NACC2: variants seen among roughly 807,000 people sequenced by gnomAD.
NACC2 encodes nucleus accumbens-associated protein 2.
In NACC2, 8 loss-of-function variants were observed where a neutral mutation model predicts 25.1. The ratio of observed to expected loss-of-function variants is 0.32; its 90% CI spans 0.19 to 0.57. The LOEUF is 0.57. NACC2 is among the 20% of genes least tolerant of loss of function. The probability of loss-of-function intolerance (pLI) is 0.89; values close to 1 mark genes in which losing one functional copy is unlikely to be tolerated. For synonymous variants in NACC2, 435 were observed against 294.7 expected (o/e 1.48, Z -4.88); for missense variants, 644 against 650.2 (o/e 0.99, Z 0.10).
At chr9:136,043,199 A>T (rs1349411832) in intron 2 of NACC2, among the ~76,000 whole-genome samples, 1 of 152,250 alleles carries the variant, frequency 6.6e-6, no homozygotes, top group Non-Finnish European at 1.5e-5. Flanking sequence ...GGCAGGTCAG[A>T]CTAGGAGAGA....
At chr9:136,059,510 C>T (rs1040678813) in intron 1 of NACC2, among the ~76,000 whole-genome samples, 2 of 152,204 alleles carry the variant, frequency 1.3e-5, no homozygotes, top group African/African-American at 4.8e-5. Flanking sequence ...GGGCCGCCTC[C>T]TTGGGTGTGT....
At chr9:136,081,744 C>T (rs7860750) in intron 1 of NACC2, among the ~76,000 whole-genome samples, 7,915 of 152,182 alleles carry the variant, frequency 0.052, 679 homozygotes, top group African/African-American at 0.18. Context: ...GCACCATCCC[C>T]ACCAAGTGGC....
At chr9:136,042,965 G>C (rs1199087001) in intron 2 of NACC2, among the ~76,000 whole-genome samples, 3 of 146,306 alleles carry the variant, frequency 2.1e-5, no homozygotes, top group East Asian at 2.0e-4. Context: ...GACACACAGA[G>C]ACACACACAT....
At chr9:136,059,663 C>T (rs921027787) in intron 1 of NACC2, among the ~76,000 whole-genome samples, 19 of 152,340 alleles carry the variant, frequency 1.2e-4, no homozygotes, top group Admixed American at 3.3e-4. Context: ...CAGCCGGCCA[C>T]GGGGACACCC....
chr9:136,077,105 G>T (rs1308845552), intron 1 of NACC2, among the ~76,000 whole-genome samples: 1 of 152,126 alleles, frequency 6.6e-6, no homozygotes, highest in Non-Finnish European at 1.5e-5. Context: ...GCTTGAACCC[G>T]GAGGTGGAGG....
rs1171429150 is a variant in NACC2, at chr9:136,084,404, T to C, written c.-60+10785A>G. Among the ~76,000 whole-genome samples the C allele has an allele frequency of 6.6e-6, 1 of 152,070 alleles. No individual in the cohort carries two copies. Among genetic ancestry groups the C allele is most frequent in the African/African-American group, 2.4e-5 (1 of 41,388 alleles). ...CATCACACAGACACCTCCTACGCAATGTCCGGTCTCCGCTGGTGGGGCAAC... is the reference window on the plus strand; with the variant it reads ...CATCACACAGACACCTCCTACGCAACGTCCGGTCTCCGCTGGTGGGGCAAC... On this transcript the variant is annotated intron_variant, in intron 1 of 5. Coordinates refer to ENST00000277554, the MANE Select transcript of NACC2 (RefSeq NM_144653.5). This position sits in a 1 kb window ranked among gnomAD's most constrained non-coding sequence, Gnocchi z 5.1.
chr9:136,029,356 G>T (rs904441968), intron 2 of NACC2, among the ~76,000 whole-genome samples: 5 of 152,136 alleles, frequency 3.3e-5, no homozygotes, highest in African/African-American at 1.2e-4. Context: ...CCCACTCCAG[G>T]GTCTCCTTGA....
At chr9:136,028,944 G>A (rs1840435694) in intron 2 of NACC2, among the ~76,000 whole-genome samples, 1 of 152,218 alleles carries the variant, frequency 6.6e-6, no homozygotes, top group Non-Finnish European at 1.5e-5. Context: ...CTGGATGTTG[G>A]GCACCGTCGA....
chr9:136,029,070 A>G (rs565193934), intron 2 of NACC2, among the ~76,000 whole-genome samples: 1 of 152,284 alleles, frequency 6.6e-6, no homozygotes, highest in African/African-American at 2.4e-5. Flanking sequence ...GGGTCCTGGT[A>G]AGCCCTACCT....
rs886141892 is a variant in NACC2 at position 136,020,068 on chromosome 9, C to T, written c.887-3639G>A. On this transcript the variant is annotated intron_variant, in intron 2 of 5. Coordinates refer to ENST00000277554, the MANE Select transcript of NACC2 (RefSeq NM_144653.5). The surrounding 1 kb of genome is among the most constrained non-coding windows in gnomAD (Gnocchi z 4.7). ...TGGGGAAGATGGGAAGTTCTGGAGC[C>T]GATGGCAGTGATGCTCACAAAACAG... Among the ~76,000 whole-genome samples the T allele has an allele frequency of 2.0e-5, 3 of 152,106 alleles. No individual in the cohort carries two copies. Among genetic ancestry groups the T allele is most frequent in the Non-Finnish European group, 4.4e-5 (3 of 68,018 alleles).
chr9:136,032,836 T>C (rs1310927050), intron 2 of NACC2, among the ~76,000 whole-genome samples: 1 of 151,784 alleles, frequency 6.6e-6, no homozygotes. Flanking sequence ...GCCAACATGG[T>C]GAAACCCCGT....
At chr9:136,031,327 A>G (rs983440201) in intron 2 of NACC2, among the ~76,000 whole-genome samples, 5 of 141,868 alleles carry the variant, frequency 3.5e-5, no homozygotes, top group African/African-American at 1.4e-4. Context: ...CCACAGCCTC[A>G]TTCATTCATT....
Position 136,013,729 on chromosome 9 carries a change from C to G in NACC2, c.1157+135G>C. On this transcript the variant is annotated intron_variant, in intron 4 of 5. Coordinates refer to ENST00000277554, the MANE Select transcript of NACC2 (RefSeq NM_144653.5). This position sits in a 1 kb window ranked among gnomAD's most constrained non-coding sequence, Gnocchi z 6.6. ...AGCCTCTCCACCGTCCTGGGGCCGA[C>G]CGGCCACGGCTGAAGTCAGGAATGC... 1.3e-6 allele frequency: 1 copy of G among 754,890 alleles called. No homozygotes were observed. Among genetic ancestry groups the G allele is most frequent in the East Asian group, 2.8e-5 (1 of 36,214 alleles). 46.8% of individuals were successfully genotyped at this position (754,890 alleles called of 1,614,324 possible).
chr9:136,079,341 G>A (rs1830297313), intron 1 of NACC2, among the ~76,000 whole-genome samples: 1 of 152,182 alleles, frequency 6.6e-6, no homozygotes, highest in Non-Finnish European at 1.5e-5. Context: ...GGAACGGGGT[G>A]CCATCCTCTG....
At position 136,016,411 on chromosome 9, in the gene NACC2, G is replaced by A; in HGVS notation, c.905C>T (p.Pro302Leu). ...GCAGGAGCGGCTCTCCAGCGGCACT[G>A]GCTCAGGCTTCTCTTGCACTGTGGG... ...GSYAVQEKPE[P>L]VPLESRSCVL... is the part of the protein sequence containing the mutation. Residue 302 changes from proline to leucine, a missense_variant, in exon 3 of 6, where the codon CCA (proline) becomes CTA (leucine). Physicochemically the swap from Pro to Leu is moderately conservative, Grantham distance 98 (BLOSUM62 -3). Transcript: ENST00000277554. 6.2e-7 allele frequency: 1 copy of A among 1,611,062 alleles called. No homozygotes were observed. The highest frequency in any genetic ancestry group is 8.5e-7 in the Non-Finnish European group (1 of 1,179,738).
chr9:136,042,713 GAC>G lies in NACC2; in HGVS notation c.886+6921_886+6922del, dbSNP rs564217810. On this transcript the variant is annotated intron_variant, in intron 2 of 5. Coordinates refer to ENST00000277554, the MANE Select transcript of NACC2 (RefSeq NM_144653.5). ...ACACAGACACACACACAGACACAGA[GAC>G]ACACACACAGACACAGACACACACA... 3.3e-3 allele frequency among the ~76,000 whole-genome samples: 479 copies of G among 145,300 alleles called. 2 individuals carry two copies. Among genetic ancestry groups the G allele is most frequent in the African/African-American group, 6.6e-3 (257 of 38,984 alleles).
rs374142120 is a variant in NACC2, at chr9:136,068,326, T to C, written c.-59-17746A>G. Among the ~76,000 whole-genome samples the C allele has an allele frequency of 8.6e-3, 1,299 of 151,058 alleles. 20 individuals are homozygous for C. Among genetic ancestry groups the C allele is most frequent in the African/African-American group, 0.029 (1,193 of 40,510 alleles). On this transcript the variant is annotated intron_variant, in intron 1 of 5. Transcript: ENST00000277554. ...CAGCCTGGTCAACATGGCAAAACCC[T>C]GTCTCTACCAAAAAATACAAAAATT...
intron 2 of NACC2, among the ~76,000 whole-genome samples, chr9:136,044,550 T>C (rs1432898810): frequency 6.6e-6 from 1 of 152,228 alleles, no homozygotes; most frequent in East Asian, 1.9e-4. Flanking sequence ...AGGCCAGAGA[T>C]GAAGGCACCC....
intron 3 of NACC2, among the ~76,000 whole-genome samples, chr9:136,015,780 T>C (rs1403722188): frequency 6.6e-6 from 1 of 152,088 alleles, no homozygotes; most frequent in Non-Finnish European, 1.5e-5. Flanking sequence ...GTTGTAAAAA[T>C]CTACAAGGAG....
Sources: gnomAD v4.1 joint callset for allele counts (sites outside exome capture counted in the v4.1 genomes callset) on GRCh38, gnomAD v4.1.1 for gene constraint, Gnocchi (gnomAD v3.1) non-coding constraint, MANE v1.5 for transcripts, NCBI Gene and HGNC (gene_info 2026-07-23, HGNC 2026-07-21) for gene names.